Variants in DLG2 observed in about 807,000 individuals in gnomAD.
DLG2 encodes disks large homolog 2.
Under a neutral mutation model 132.5 loss-of-function variants are expected in DLG2, and 45 were observed. The observed-to-expected ratio is 0.34, with a 90% CI of 0.27 to 0.44. The LOEUF (loss-of-function observed/expected upper bound fraction) is 0.44, where lower values mean the gene tolerates loss of function less well. Among genes scored for constraint, DLG2 ranks in the 20% least tolerant of loss-of-function variants. The probability of loss-of-function intolerance (pLI) is 1.00; values close to 1 mark genes in which losing one functional copy is unlikely to be tolerated. For synonymous variants in DLG2, 424 were observed against 419.6 expected, an observed-to-expected ratio of 1.01 and a Z score of -0.13; for missense variants, 1,045 against 1,196.9, an observed-to-expected ratio of 0.87 and a Z score of 1.87.
intron 5 of DLG2, among the ~76,000 whole-genome samples, chr11:85,127,927 A>G (rs1293607292): frequency 2.0e-5 from 3 of 152,232 alleles, no homozygotes; most frequent in African/African-American, 7.2e-5. Context: ...AATATTTTTA[A>G]TGCCTGGCAA....
chr11:84,595,982 G>A (rs2154531369), intron 6 of DLG2, among the ~76,000 whole-genome samples: 2 of 152,108 alleles, frequency 1.3e-5, no homozygotes, highest in African/African-American at 4.8e-5. Context: ...AAGAGCTAAA[G>A]GAATATTAAT....
intron 3 of DLG2, among the ~76,000 whole-genome samples, chr11:85,436,706 G>A (rs2091499798): frequency 6.6e-6 from 1 of 152,194 alleles, no homozygotes. Flanking sequence ...CTGTTGGTAG[G>A]AATATAAATT....
chr11:85,270,317 C>A (rs150026564), intron 4 of DLG2, among the ~76,000 whole-genome samples: 1 of 152,218 alleles, frequency 6.6e-6, no homozygotes, highest in African/African-American at 2.4e-5. Flanking sequence ...TCTTGTCTGC[C>A]GCCATGTGAG....
rs758828726 is a variant in DLG2 at position 84,750,306 on chromosome 11, A to G, written c.358-215575T>C. On this transcript the variant is annotated intron_variant, in intron 6 of 27. Transcript: ENST00000376104. ...AGCATCCATGAGCTCTTCTTCCTGA[A>G]TATTTGTTGAATGAATTATTAAATA... Among the ~76,000 whole-genome samples the G allele has an allele frequency of 1.7e-3, 256 of 152,246 alleles. 3 individuals carry two copies. The highest frequency in any genetic ancestry group is 1.9e-3 in the Non-Finnish European group (130 of 68,000).
chr11:83,871,607 T>C (rs2154064219), intron 16 of DLG2, among the ~76,000 whole-genome samples: 1 of 80,868 alleles, frequency 1.2e-5, no homozygotes, highest in South Asian at 3.4e-4. Flanking sequence ...CATTGGCCTA[T>C]GTAAGATGAA....
chr11:85,392,220 T>A, intron 3 of DLG2, among the ~76,000 whole-genome samples: 1 of 151,996 alleles, frequency 6.6e-6, no homozygotes, highest in Non-Finnish European at 1.5e-5. Flanking sequence ...CTTAGGAATA[T>A]ACTTAAGCAA....
At chr11:85,091,353 T>C (rs1157088358) in intron 6 of DLG2, among the ~76,000 whole-genome samples, 1 of 152,222 alleles carries the variant, frequency 6.6e-6, no homozygotes, top group African/African-American at 2.4e-5. Context: ...AGTCACGACC[T>C]TTTTGCTAGT....
intron 16 of DLG2, among the ~76,000 whole-genome samples, chr11:83,870,072 C>T (rs1183583870): frequency 6.6e-6 from 1 of 152,148 alleles, no homozygotes; most frequent in Non-Finnish European, 1.5e-5. Context: ...CAATTTGTGC[C>T]ACCTCCCCTG....
chr11:85,153,970 C>T (rs534654698), intron 5 of DLG2, among the ~76,000 whole-genome samples: 1 of 152,018 alleles, frequency 6.6e-6, no homozygotes, highest in East Asian at 1.9e-4. Context: ...TTTAATTTAG[C>T]TGCCTGGAAG....
In DLG2 at chr11:83,962,919, GA is replaced by G. The variant is rs1228103872; in HGVS notation, c.1305del (p.Pro436GlnfsTer21). ...TCGTCGTCAACAAGCATGTGCTTTG[GA>G]ATTGGTGAGTACCTTCCTGGAGAGA... ...PPISPGRYSPIPKHMLVDDDY... is the reference protein window; with the variant it reads ...PPISPGRYSPXPKHMLVDDDY... On this transcript the variant is annotated frameshift_variant, in exon 14 of 28. Transcript: ENST00000376104. LOFTEE classifies it high-confidence loss of function. The G allele has an allele frequency of 6.2e-7, 1 of 1,613,090 alleles. No individual in the cohort carries two copies.
intron 27 of DLG2, among the ~76,000 whole-genome samples, chr11:83,460,483 A>C (rs2089690492): frequency 6.6e-6 from 1 of 152,208 alleles, no homozygotes; most frequent in African/African-American, 2.4e-5. Flanking sequence ...GATTTTTACC[A>C]TACAGAGCTA....
intron 9 of DLG2, among the ~76,000 whole-genome samples, chr11:84,149,045 T>G (rs1317734590): frequency 6.6e-6 from 1 of 152,204 alleles, no homozygotes; most frequent in Non-Finnish European, 1.5e-5. Context: ...TCATATACTT[T>G]GCCCACATTT....
chr11:84,744,055 C>T (rs1004063043), intron 6 of DLG2, among the ~76,000 whole-genome samples: 1 of 152,032 alleles, frequency 6.6e-6, no homozygotes, highest in Non-Finnish European at 1.5e-5. Flanking sequence ...TTGAATCACA[C>T]GTTTCTCTCT....
intron 6 of DLG2, among the ~76,000 whole-genome samples, chr11:84,792,846 A>T (rs888951271): frequency 4.0e-5 from 6 of 151,782 alleles, no homozygotes. Flanking sequence ...TGTTAATTGC[A>T]TTTATCTTTT....
chr11:83,800,305 G>A lies in DLG2; in HGVS notation c.1723-13513C>T, dbSNP rs149134386. Among the ~76,000 whole-genome samples the A allele has an allele frequency of 5.6e-4, 86 of 152,238 alleles. No homozygotes were observed. The South Asian group carries it at 8.1e-3, about 14-fold the overall frequency. ...CCTCATACTAAATCACAGAGGTACC[G>A]TCTAATGCTTAATAAACAAATATAT... On this transcript the variant is annotated intron_variant, in intron 17 of 27. Coordinates refer to ENST00000376104, the MANE Select transcript of DLG2 (RefSeq NM_001142699.3).
chr11:85,082,361 G>C (rs1039096399), intron 6 of DLG2, among the ~76,000 whole-genome samples: 2 of 152,056 alleles, frequency 1.3e-5, no homozygotes, highest in Admixed American at 6.6e-5. Context: ...AAAATAGAAG[G>C]GGAGAGTTGC....
intron 18 of DLG2, among the ~76,000 whole-genome samples, chr11:83,733,499 C>T (rs2091388701): frequency 6.6e-6 from 1 of 152,144 alleles, no homozygotes; most frequent in Non-Finnish European, 1.5e-5. Flanking sequence ...TGGCAAGTAG[C>T]TGGTGTTAAA....
chr11:83,939,702 C>T (rs1451767958), intron 14 of DLG2, among the ~76,000 whole-genome samples: 1 of 148,152 alleles, frequency 6.7e-6, no homozygotes, highest in Non-Finnish European at 1.5e-5. Context: ...TTAAAATTCA[C>T]ACCCCCCACA....
chr11:85,211,135 T>C (rs1307792537), intron 4 of DLG2, among the ~76,000 whole-genome samples: 1 of 152,160 alleles, frequency 6.6e-6, no homozygotes, highest in Non-Finnish European at 1.5e-5. Context: ...CTACAGCATG[T>C]AGAATGATGC....
Sources: allele counts gnomAD v4.1 joint callset (sites outside exome capture counted in the v4.1 genomes callset), GRCh38; gene constraint gnomAD v4.1.1; transcripts MANE v1.5; gene names NCBI Gene and HGNC (gene_info 2026-07-23, HGNC 2026-07-21).